The following AKAP11 variants were observed in gnomAD, a reference collection of about 807,000 sequenced individuals.
AKAP11 encodes the protein A-kinase anchoring protein 11.
In AKAP11, 36 loss-of-function variants were observed where a neutral mutation model predicts 146.1. The ratio of observed to expected loss-of-function variants is 0.25; its 90% CI spans 0.19 to 0.33. The LOEUF is 0.33. AKAP11 is among the 10% of genes least tolerant of loss of function. The probability of loss-of-function intolerance (pLI) is 1.00; values close to 1 mark genes in which losing one functional copy is unlikely to be tolerated. For missense variants in AKAP11, 2,201 were observed against 2,197.0 expected (o/e 1.00, Z -0.04); for synonymous variants, 780 against 786.5 (o/e 0.99, Z 0.14).
In AKAP11 at chr13:42,313,854, A is replaced by G. The variant is rs1048202065; in HGVS notation, c.5358-40A>G. On this transcript the variant is annotated intron_variant, in intron 10 of 12. Transcript: ENST00000025301. ...ATTTGTTTTGATACCATTATTAATT[A>G]AATTTTTTTTGTAACTGCTTCTGCT... is the stretch of plus-strand genomic sequence containing the variant. 3 of 1,586,476 alleles carry G rather than the reference A, an allele frequency of 1.9e-6. No individual in the cohort carries two copies. The East Asian group carries it at 6.7e-5, about 36-fold the overall frequency.
chr13:42,319,009 A>G (rs1483935165), intron 12 of AKAP11, 79 bp from the exon 13 acceptor site: 2 of 1,460,734 alleles, frequency 1.4e-6, no homozygotes, highest in Non-Finnish European at 1.8e-6. Flanking sequence ...CTTAAGTTTC[A>G]GCTAATATTG....
intron 1 of AKAP11, among the ~76,000 whole-genome samples, chr13:42,278,833 C>A (rs189465707): frequency 6.6e-6 from 1 of 152,032 alleles, no homozygotes; most frequent in East Asian, 1.9e-4. Flanking sequence ...TAGTGGTGGT[C>A]AACTGGTGGT....
Position 42,303,115 on chromosome 13 carries a change from T to C in AKAP11, c.4369T>C (p.Phe1457Leu). ...YRNEVSQLYS[F>L]STSLVHSITK... ...AAATGAGGTCTCCCAACTGTATAGT[T>C]TTTCAACCTCTCTGGTTCACAGCAT... The change falls in exon 8 of 13, where the codon TTT becomes CTT. Residue 1457 changes from phenylalanine to leucine, a missense_variant. Physicochemically the swap from Phe to Leu is conservative, Grantham distance 22. Coordinates refer to ENST00000025301, the MANE Select transcript of AKAP11 (RefSeq NM_016248.4). 1 of 1,614,026 alleles carries C rather than the reference T, an allele frequency of 6.2e-7. No individual in the cohort carries two copies. The highest frequency in any genetic ancestry group is 8.5e-7 in the Non-Finnish European group (1 of 1,180,008).
chr13:42,297,268 G>A, intron 6 of AKAP11, 86 bp downstream of exon 6: 1 of 1,057,608 alleles, frequency 9.5e-7, no homozygotes, highest in East Asian at 3.0e-5. Flanking sequence ...TAAATGCTTG[G>A]ATGACATTTG....
In AKAP11 at chr13:42,302,599, C is replaced by G. The variant is rs749537610; in HGVS notation, c.3853C>G (p.Gln1285Glu). Residue 1285 changes from glutamine (Q) to glutamate (E), a missense_variant, in exon 8 of 13, where the codon CAA (glutamine) becomes GAA (glutamate). Around this residue, in one of 3 missense-constraint regions of AKAP11, gnomAD observed 1,867 missense variants for 1,833.5 expected, o/e 1.02. Coordinates refer to ENST00000025301, the MANE Select transcript of AKAP11 (RefSeq NM_016248.4). ...AKVRNCMLFK[Q>E]KKNSCYADGD... Reference sequence around the variant, plus strand: ...AGTCCGAAATTGTATGCTTTTCAAGCAAAAGAAGAACAGTTGTTATGCTGA... The same window carrying G: ...AGTCCGAAATTGTATGCTTTTCAAGGAAAAGAAGAACAGTTGTTATGCTGA... The G allele has an allele frequency of 1.2e-6, 2 of 1,613,982 alleles. No homozygotes were observed. Among genetic ancestry groups the G allele is most frequent in the Non-Finnish European group, 1.7e-6 (2 of 1,179,992 alleles).
Position 42,300,205 on chromosome 13 carries a change from A to G in AKAP11, c.1459A>G (p.Thr487Ala), listed in dbSNP as rs750965006. 4.3e-6 allele frequency: 7 copies of G among 1,613,810 alleles called. No individual in the cohort carries two copies. In the African/African-American group the frequency reaches 8.0e-5, roughly 18 times the overall value. Residue 487 changes from threonine (T) to alanine (A), a missense_variant, in exon 8 of 13, where the codon ACC (threonine) becomes GCC (alanine). Physicochemically the swap from Thr to Ala is moderately conservative, Grantham distance 58. Transcript: ENST00000025301. ...IHENHDSVYY[T>A]YEDYAKSISC... is the part of the protein sequence containing the mutation. ...TGAAAATCATGATTCTGTTTATTAC[A>G]CCTATGAAGACTATGCAAAAAGCAT...
rs766609769 is a variant in AKAP11 at position 42,313,050 on chromosome 13, T to C, written c.5277T>C (p.Asn1759=). ...TGTTCTTTTCTTCCTCTGGCAGTAA[T>C]GGTAACAGCAGTAGCTGGAGCAGTC... The part of the protein sequence containing the change: ...SSSFHHLSES[N]GNSSSWSSLG... Residue 1759 remains asparagine, a synonymous_variant, in exon 10 of 13, where the codon AAT becomes AAC. Coordinates refer to ENST00000025301, the MANE Select transcript of AKAP11 (RefSeq NM_016248.4). 1.3e-5 allele frequency: 21 copies of C among 1,612,328 alleles called. No individual in the cohort carries two copies. Among genetic ancestry groups the C allele is most frequent in the Non-Finnish European group, 1.8e-5 (21 of 1,179,158 alleles).
At chr13:42,273,294 A>G (rs575549518) in intron 1 of AKAP11, among the ~76,000 whole-genome samples, 1 of 152,196 alleles carries the variant, frequency 6.6e-6, no homozygotes, top group Admixed American at 6.5e-5. Flanking sequence ...TAATGTCATC[A>G]TTTTAGGATG....
rs1342116627 is a variant in AKAP11 at position 42,323,142 on chromosome 13, A to G, written c.*3914A>G. The stretch of plus-strand genomic sequence containing the variant: ...AAAGTTTTGTTTCAGCAGTGGCTCA[A>G]AAAATTTCAGAAATTACTTTTGTAA... On this transcript the variant is annotated 3_prime_UTR_variant, in exon 13 of 13. Coordinates refer to ENST00000025301, the MANE Select transcript of AKAP11 (RefSeq NM_016248.4). 1 of 152,798 alleles carries G rather than the reference A, an allele frequency of 6.5e-6. No homozygotes were observed. The highest frequency in any genetic ancestry group is 2.4e-5 in the African/African-American group (1 of 41,472). 9.5% of individuals were successfully genotyped at this position (152,798 alleles called of 1,614,324 possible).
intron 3 of AKAP11, among the ~76,000 whole-genome samples, chr13:42,290,686 A>G (rs534779359): frequency 6.6e-6 from 1 of 152,062 alleles, no homozygotes; most frequent in African/African-American, 2.4e-5. Flanking sequence ...ATTCATTACC[A>G]TTTTCATTCT....
intron 11 of AKAP11, among the ~76,000 whole-genome samples, chr13:42,315,481 C>G (rs1765566346): frequency 6.6e-6 from 1 of 152,134 alleles, no homozygotes. Context: ...AACAGTTATT[C>G]TAAAGGCTAT....
chr13:42,305,532 T>C (rs1465501464), intron 8 of AKAP11, among the ~76,000 whole-genome samples: 1 of 152,184 alleles, frequency 6.6e-6, no homozygotes, highest in Non-Finnish European at 1.5e-5. Flanking sequence ...TTTTTTTTAA[T>C]GGTTGAAAAA....
intron 4 of AKAP11, among the ~76,000 whole-genome samples, chr13:42,295,171 A>T (rs1959432465): frequency 2.0e-5 from 3 of 152,222 alleles, no homozygotes. Context: ...GAAGCCAGGC[A>T]TGTAACCATC....
In AKAP11 at chr13:42,319,447, CAT is replaced by C. The variant is rs1360755146; in HGVS notation, c.*220_*221del. 1.8e-5 allele frequency: 10 copies of C among 557,152 alleles called. No individual in the cohort carries two copies. Among genetic ancestry groups the C allele is most frequent in the South Asian group, 1.4e-4 (5 of 36,526 alleles). The allele number at this position is 557,152 out of a possible 1,614,324, so 34.5% of individuals were successfully genotyped here. ...CTACCTTCATTTATTCTTCTATACA[CAT>C]GTGTAGTGTGTCAAGACCCTAAGAA... On this transcript the variant is annotated 3_prime_UTR_variant, in exon 13 of 13. Transcript: ENST00000025301.
intron 1 of AKAP11, among the ~76,000 whole-genome samples, chr13:42,276,168 A>G (rs1208102284): frequency 1.3e-4 from 20 of 152,104 alleles, no homozygotes; most frequent in Non-Finnish European, 1.8e-4. Context: ...TATGTGGATT[A>G]TTCTTAGAGT....
At chr13:42,314,439 T>C (rs1445976706) in intron 11 of AKAP11, among the ~76,000 whole-genome samples, 1 of 100,914 alleles carries the variant, frequency 9.9e-6, no homozygotes, top group African/African-American at 4.1e-5. Flanking sequence ...AGCCAGAGAC[T>C]CTGACTTAAA....
chr13:42,311,468 T>C (rs1960560672), intron 9 of AKAP11, among the ~76,000 whole-genome samples: 1 of 152,196 alleles, frequency 6.6e-6, no homozygotes, highest in South Asian at 2.1e-4. Context: ...ATGAAAAATG[T>C]ATACAGTCAC....
chr13:42,302,443 T>A lies in AKAP11; in HGVS notation c.3697T>A (p.Leu1233Ile). The change falls in exon 8 of 13, where the codon TTA becomes ATA. Residue 1233 changes from leucine (L) to isoleucine (I), a missense_variant. Coordinates refer to ENST00000025301, the MANE Select transcript of AKAP11 (RefSeq NM_016248.4). Reference sequence around the variant, plus strand: ...AGAACCCAAGGTTAAAAACCCTTGCTTAAATGTGCAAAGTCAAAGAAGTGT... The same window carrying A: ...AGAACCCAAGGTTAAAAACCCTTGCATAAATGTGCAAAGTCAAAGAAGTGT... The part of the protein sequence containing the change: ...IQEPKVKNPC[L>I]NVQSQRSVSP... The A allele has an allele frequency of 6.2e-7, 1 of 1,614,172 alleles. No individual in the cohort carries two copies. The highest frequency in any genetic ancestry group is 8.5e-7 in the Non-Finnish European group (1 of 1,180,020).
intron 9 of AKAP11, among the ~76,000 whole-genome samples, chr13:42,310,233 A>T (rs1445379322): frequency 6.6e-6 from 1 of 152,210 alleles, no homozygotes; most frequent in East Asian, 1.9e-4. Flanking sequence ...GTTTCCATTG[A>T]CCAAAGTTGT....
Sources: gnomAD v4.1 joint callset for allele counts (sites outside exome capture counted in the v4.1 genomes callset) on GRCh38, gnomAD v4.1.1 for gene constraint, gnomAD v4.1.1 regional missense constraint, MANE v1.5 for transcripts, NCBI Gene and HGNC (gene_info 2026-07-23, HGNC 2026-07-21) for gene names.